SPOCK1: variants seen among roughly 807,000 people sequenced by gnomAD.
SPOCK1 encodes SPARC (osteonectin), cwcv and kazal like domains proteoglycan 1, also known as testican-1.
A neutral mutation model predicts 55.3 loss-of-function variants in SPOCK1; 23 were observed. That is an observed-to-expected ratio of 0.42 (90% CI 0.30 to 0.59). The LOEUF (loss-of-function observed/expected upper bound fraction) is 0.59, where lower values mean the gene tolerates loss of function less well. Ranked by LOEUF, SPOCK1 falls within the 20% of genes least tolerant of loss-of-function variation. SPOCK1 has a pLI of 0.22. For missense variants in SPOCK1, 499 were observed against 552.5 expected (o/e 0.90, Z 0.97); for synonymous variants, 226 against 221.0 (o/e 1.02, Z -0.20).
At chr5:137,019,471 G>A (rs944966465) in intron 6 of SPOCK1, among the ~76,000 whole-genome samples, 8 of 152,004 alleles carry the variant, frequency 5.3e-5, no homozygotes, top group African/African-American at 9.7e-5. Flanking sequence ...ATTTATGGTT[G>A]TAAAATATGA....
chr5:136,988,396 G>T (rs1221540547), intron 8 of SPOCK1, 26 bp downstream of exon 8: 1 of 1,603,058 alleles, frequency 6.2e-7, no homozygotes, highest in Non-Finnish European at 8.5e-7. Flanking sequence ...CTGGGCTAGG[G>T]ACCCCAACCC....
At chr5:137,351,493 G>C (rs1456399798) in intron 2 of SPOCK1, among the ~76,000 whole-genome samples, 1 of 152,208 alleles carries the variant, frequency 6.6e-6, no homozygotes, top group Non-Finnish European at 1.5e-5. Context: ...ACAAGGAGGG[G>C]AATGGAAGGT....
chr5:137,497,601 GCA>G (rs1261216361), intron 2 of SPOCK1, among the ~76,000 whole-genome samples: 1 of 152,140 alleles, frequency 6.6e-6, no homozygotes, highest in East Asian at 1.9e-4. Context: ...CATCCCTGGG[GCA>G]CACCTGGGGA....
chr5:137,262,290 T>G (rs920874752), intron 3 of SPOCK1, among the ~76,000 whole-genome samples: 1 of 152,192 alleles, frequency 6.6e-6, no homozygotes, highest in African/African-American at 2.4e-5. Flanking sequence ...CCTTTATTAT[T>G]TGCATTGAAG....
At chr5:137,135,689 T>C (rs1753971519) in intron 4 of SPOCK1, among the ~76,000 whole-genome samples, 1 of 152,218 alleles carries the variant, frequency 6.6e-6, no homozygotes, top group African/African-American at 2.4e-5. Context: ...CATCACAGAT[T>C]GGTCTGTATT....
chr5:137,414,535 G>A (rs947916918), intron 2 of SPOCK1, among the ~76,000 whole-genome samples: 2 of 152,180 alleles, frequency 1.3e-5, no homozygotes, highest in Admixed American at 6.5e-5. Context: ...AAACAGGAAT[G>A]CTTGCTCTGT....
At position 136,988,651 on chromosome 5, in the gene SPOCK1, A is replaced by T; in HGVS notation, c.707-8T>A. On this transcript the variant is annotated splice_region_variant and splice_polypyrimidine_tract_variant and intron_variant, in intron 7 of 10. Coordinates refer to ENST00000394945, the MANE Select transcript of SPOCK1 (RefSeq NM_004598.4). ...GGATGCTAGTGTCAAACCCTGCCAAACAAAAGGCATATCTCAGCTGCCACC... is the reference window on the plus strand; with the variant it reads ...GGATGCTAGTGTCAAACCCTGCCAATCAAAAGGCATATCTCAGCTGCCACC... 1.2e-6 allele frequency: 2 copies of T among 1,608,244 alleles called. No homozygotes were observed. The highest frequency in any genetic ancestry group is 1.7e-6 in the Non-Finnish European group (2 of 1,175,866).
intron 6 of SPOCK1, among the ~76,000 whole-genome samples, chr5:137,025,407 G>C (rs936053221): frequency 1.3e-5 from 2 of 152,148 alleles, no homozygotes; most frequent in African/African-American, 4.8e-5. Context: ...TACACTTGAA[G>C]CACCTGCTAC....
At chr5:137,019,541 C>G (rs1357768634) in intron 6 of SPOCK1, among the ~76,000 whole-genome samples, 1 of 152,044 alleles carries the variant, frequency 6.6e-6, no homozygotes, top group African/African-American at 2.4e-5. Context: ...TTTCACTGTG[C>G]TTTTGTTTTT....
intron 2 of SPOCK1, among the ~76,000 whole-genome samples, chr5:137,478,961 C>G (rs966561846): frequency 2.6e-5 from 4 of 151,998 alleles, no homozygotes. Context: ...TTACTCCACA[C>G]CAGGCCTCCC....
At chr5:137,101,475 C>T (rs1753263399) in intron 5 of SPOCK1, among the ~76,000 whole-genome samples, 1 of 152,240 alleles carries the variant, frequency 6.6e-6, no homozygotes, top group African/African-American at 2.4e-5. Context: ...TAACTAATTA[C>T]ATGGCATTCT....
chr5:137,390,363 C>CAT (rs1310110933), intron 2 of SPOCK1, among the ~76,000 whole-genome samples: 13 of 152,220 alleles, frequency 8.5e-5, no homozygotes. Flanking sequence ...CAGCCTAACT[C>CAT]ATATATATTT....
At chr5:137,357,918 A>T (rs1296052447) in intron 2 of SPOCK1, among the ~76,000 whole-genome samples, 4 of 151,992 alleles carry the variant, frequency 2.6e-5, no homozygotes, top group Non-Finnish European at 5.9e-5. Flanking sequence ...TTCCATTTAA[A>T]CCTTATGGAT....
At chr5:137,221,848 TCTC>T (rs745929326) in intron 3 of SPOCK1, among the ~76,000 whole-genome samples, 1 of 152,214 alleles carries the variant, frequency 6.6e-6, no homozygotes, top group African/African-American at 2.4e-5. Flanking sequence ...AATGAATACT[TCTC>T]CTTCTGGGAA....
intron 6 of SPOCK1, among the ~76,000 whole-genome samples, chr5:137,044,469 T>G (rs2126993734): frequency 6.6e-6 from 1 of 152,320 alleles, no homozygotes; most frequent in Non-Finnish European, 1.5e-5. Context: ...AGTTCAAATC[T>G]TGGCTCTGCC....
chr5:137,447,968 C>T (rs899207549), intron 2 of SPOCK1, among the ~76,000 whole-genome samples: 1 of 152,170 alleles, frequency 6.6e-6, no homozygotes, highest in Non-Finnish European at 1.5e-5. Flanking sequence ...ATAAATACAG[C>T]CAGGCACAGT....
chr5:137,177,892 G>A (rs1238936385), intron 3 of SPOCK1, among the ~76,000 whole-genome samples: 1 of 152,092 alleles, frequency 6.6e-6, no homozygotes, highest in East Asian at 1.9e-4. Flanking sequence ...ATAAAGCTGG[G>A]GAAGTCCATG....
chr5:137,134,300 TTCTCATC>T (rs1380309573), intron 4 of SPOCK1, among the ~76,000 whole-genome samples: 1 of 152,234 alleles, frequency 6.6e-6, no homozygotes, highest in Non-Finnish European at 1.5e-5. Context: ...GCCACTTTCC[TTCTCATC>T]TTCTTTACTG....
At chr5:136,992,353 T>G in intron 7 of SPOCK1, 131 bp downstream of exon 7, 7 of 738,794 alleles carry the variant, frequency 9.5e-6, no homozygotes, top group East Asian at 2.9e-5. Context: ...AACTTTTTTT[T>G]GAGATTGGGA....
Sources: gnomAD v4.1 joint callset for allele counts (sites outside exome capture counted in the v4.1 genomes callset) on GRCh38, gnomAD v4.1.1 for gene constraint, MANE v1.5 for transcripts, NCBI Gene and HGNC (gene_info 2026-07-23, HGNC 2026-07-21) for gene names.